Variants in AJAP1 observed in about 807,000 individuals in gnomAD.
AJAP1 encodes the protein adherens junction-associated protein 1.
Under a neutral mutation model 35.0 loss-of-function variants are expected in AJAP1, and 5 were observed. That is an observed-to-expected ratio of 0.14 (90% CI 0.07 to 0.30). The LOEUF (loss-of-function observed/expected upper bound fraction) is 0.30, where lower values mean the gene tolerates loss of function less well. Ranked by LOEUF, AJAP1 falls within the 10% of genes least tolerant of loss-of-function variation. The pLI is 1.00. For synonymous variants in AJAP1, 284 were observed against 249.3 expected (o/e 1.14, Z -1.31); for missense variants, 586 against 571.0 (o/e 1.03, Z -0.27).
chr1:4,740,711 G>A (rs1237127729), intron 2 of AJAP1, among the ~76,000 whole-genome samples: 9 of 149,456 alleles, frequency 6.0e-5, no homozygotes, highest in African/African-American at 7.4e-5. Flanking sequence ...GCGGGAACCC[G>A]GGAGGAGGAG....
Position 4,772,472 on chromosome 1 carries a change from T to C in AJAP1, c.1110T>C (p.Asp370=), listed in dbSNP as rs183009095. Residue 370 remains aspartate (D), a synonymous_variant, in exon 4 of 6, where the codon GAT becomes GAC. Transcript: ENST00000378191. ...GGGCATCTGTGCCCGTGTACACCGA[T>C]GAGACGCTGCACTCGACGACGGGGG... ...CVRASVPVYT[D]ETLHSTTGEY... 42 of 1,614,194 alleles carry C rather than the reference T, an allele frequency of 2.6e-5. No homozygotes were observed. In the African/African-American group the frequency reaches 5.3e-4, roughly 20 times the overall value.
chr1:4,730,970 C>T (rs1442570307), intron 2 of AJAP1, among the ~76,000 whole-genome samples: 5 of 152,164 alleles, frequency 3.3e-5, no homozygotes, highest in African/African-American at 1.2e-4. Flanking sequence ...CTCGTAAACT[C>T]GACTCCTTGA....
At chr1:4,674,042 CAAAAAAAAAAAAA>C (rs57335438) in intron 1 of AJAP1, among the ~76,000 whole-genome samples, 26 of 81,940 alleles carry the variant, frequency 3.2e-4, no homozygotes, top group African/African-American at 1.2e-3. Context: ...CCCCCGCCAC[CAAAAAAAAAAAAA>C]AAAAAAAAAA....
At position 4,712,719 on chromosome 1, in the gene AJAP1, G is replaced by C; in HGVS notation, c.829+20G>C. On this transcript the variant is annotated intron_variant, in intron 2 of 5. Coordinates refer to ENST00000378191, the MANE Select transcript of AJAP1 (RefSeq NM_018836.4). Reference sequence around the variant, plus strand: ...CCTCAGGTACAGCCATCTCTCTTCTGGTTTGGGTTTGCTTGGGGTTGAGGG... The same window carrying C: ...CCTCAGGTACAGCCATCTCTCTTCTCGTTTGGGTTTGCTTGGGGTTGAGGG... 6.7e-7 allele frequency: 1 copy of C among 1,500,618 alleles called. No homozygotes were observed. Among genetic ancestry groups the C allele is most frequent in the Non-Finnish European group, 8.9e-7 (1 of 1,123,516 alleles). The allele number at this position is 1,500,618 out of a possible 1,614,324, so 93.0% of individuals were successfully genotyped here. A position where few individuals can be genotyped will look rare whatever the true frequency, so the allele number is the denominator to read the frequency against.
rs1303507821 is a variant in AJAP1 at position 4,664,121 on chromosome 1, G to T, written c.29+8667G>T. On this transcript the variant is annotated intron_variant, in intron 1 of 5. Transcript: ENST00000378191. ...CTCCTGTGTGCAGAGAAGGCACAGA[G>T]AACCTGAATGAATTTCCCCAGGCCA... is the stretch of plus-strand genomic sequence containing the variant. 4.6e-5 allele frequency among the ~76,000 whole-genome samples: 7 copies of T among 152,270 alleles called. No homozygotes were observed. In the East Asian group the frequency reaches 9.7e-4, roughly 21 times the overall value.
chr1:4,757,618 T>C (rs1641464127), intron 2 of AJAP1, among the ~76,000 whole-genome samples: 1 of 152,230 alleles, frequency 6.6e-6, no homozygotes, highest in South Asian at 2.1e-4. Flanking sequence ...ACACTCATGG[T>C]ACCTCCTGTT....
At chr1:4,733,573 C>T (rs1471755005) in intron 2 of AJAP1, among the ~76,000 whole-genome samples, 4 of 151,436 alleles carry the variant, frequency 2.6e-5, no homozygotes, top group African/African-American at 7.3e-5. Flanking sequence ...TCCAATTGCA[C>T]AGCCGTCTTC....
At chr1:4,672,768 T>C (rs1004091927) in intron 1 of AJAP1, among the ~76,000 whole-genome samples, 4 of 152,146 alleles carry the variant, frequency 2.6e-5, no homozygotes, top group African/African-American at 9.7e-5. Flanking sequence ...CCTTAATCCA[T>C]AACCCCACAC....
chr1:4,780,847 C>T (rs894550266), intron 5 of AJAP1, among the ~76,000 whole-genome samples: 1 of 152,012 alleles, frequency 6.6e-6, no homozygotes, highest in African/African-American at 2.4e-5. Context: ...AGGATGTCTC[C>T]TTTCTTTACA....
intron 1 of AJAP1, among the ~76,000 whole-genome samples, chr1:4,688,383 C>G (rs977116077): frequency 2.0e-5 from 3 of 152,178 alleles, no homozygotes; most frequent in South Asian, 2.1e-4. Context: ...GGTTGACATT[C>G]AAACACGGTC....
chr1:4,775,341 A>G (rs1163024385), intron 5 of AJAP1, among the ~76,000 whole-genome samples: 1 of 152,124 alleles, frequency 6.6e-6, no homozygotes, highest in Non-Finnish European at 1.5e-5. Context: ...TGTTGTTTTC[A>G]TGGTTCTTTT....
At chr1:4,701,036 C>T (rs560134399) in intron 1 of AJAP1, among the ~76,000 whole-genome samples, 2 of 152,260 alleles carry the variant, frequency 1.3e-5, no homozygotes, top group Non-Finnish European at 2.9e-5. Flanking sequence ...CACTTCACTC[C>T]TCCAGAATGC....
chr1:4,681,140 G>C lies in AJAP1; in HGVS notation c.29+25686G>C, dbSNP rs182953166. 4.6e-5 allele frequency among the ~76,000 whole-genome samples: 7 copies of C among 152,312 alleles called. No individual in the cohort carries two copies. The South Asian group carries it at 1.2e-3, about 27-fold the overall frequency. ...AGCCAAACCCATACAAAATCCCTTT[G>C]TCTAGACTGGACAAACATCAAGTGT... On this transcript the variant is annotated intron_variant, in intron 1 of 5. Transcript: ENST00000378191.
At chr1:4,691,934 A>T (rs1639748719) in intron 1 of AJAP1, among the ~76,000 whole-genome samples, 1 of 152,040 alleles carries the variant, frequency 6.6e-6, no homozygotes, top group Admixed American at 6.6e-5. Flanking sequence ...GGACCTGCAG[A>T]GGGACAAGGG....
intron 2 of AJAP1, among the ~76,000 whole-genome samples, chr1:4,731,615 G>C (rs1193630339): frequency 6.6e-6 from 1 of 152,158 alleles, no homozygotes; most frequent in African/African-American, 2.4e-5. Context: ...GAAGCAGGTG[G>C]TTTAGGGCCT....
intron 1 of AJAP1, chr1:4,711,158 C>G (rs1460851817): frequency 6.6e-6 from 1 of 152,286 alleles, no homozygotes; most frequent in African/African-American, 2.4e-5. Flanking sequence ...GATCTCATTT[C>G]CCTGAGTACG....
chr1:4,791,694 G>A lies in AJAP1; in HGVS notation c.*9209G>A, dbSNP rs1557657337. On this transcript the variant is annotated 3_prime_UTR_variant, in exon 6 of 6. Transcript: ENST00000378191. Reference sequence around the variant, plus strand: ...TGGCCATTGGGCGTATCTGGGCATTGGTATGGAATAAACAGGATACTCAGT... The same window carrying A: ...TGGCCATTGGGCGTATCTGGGCATTAGTATGGAATAAACAGGATACTCAGT... 3 of 152,178 alleles carry A rather than the reference G, an allele frequency of 2.0e-5. No individual in the cohort carries two copies. Among genetic ancestry groups the A allele is most frequent in the African/African-American group, 7.2e-5 (3 of 41,450 alleles). 9.4% of individuals were successfully genotyped at this position (152,178 alleles called of 1,614,324 possible).
At chr1:4,737,299 G>A (rs1012474063) in intron 2 of AJAP1, among the ~76,000 whole-genome samples, 6 of 152,118 alleles carry the variant, frequency 3.9e-5, no homozygotes, top group African/African-American at 9.6e-5. Context: ...TGGCTCTGCC[G>A]AGTCCCTGGA....
intron 2 of AJAP1, among the ~76,000 whole-genome samples, chr1:4,740,481 A>G (rs1041883339): frequency 4.2e-5 from 6 of 144,294 alleles, no homozygotes; most frequent in African/African-American, 1.5e-4. Flanking sequence ...AATGCTGCCA[A>G]ACTGTACGCT....
Sources: gnomAD v4.1 joint callset for allele counts (sites outside exome capture counted in the v4.1 genomes callset) on GRCh38, gnomAD v4.1.1 for gene constraint, MANE v1.5 for transcripts, NCBI Gene and HGNC (gene_info 2026-07-23, HGNC 2026-07-21) for gene names.